Variants in TRIM24 observed in about 807,000 individuals in gnomAD.
TRIM24 encodes the protein transcription intermediary factor 1-alpha.
In TRIM24, 29 loss-of-function variants were observed where a neutral mutation model predicts 123.9. That is an observed-to-expected ratio of 0.23 (90% CI 0.17 to 0.32). The LOEUF is 0.32. Ranked by LOEUF, TRIM24 falls within the 10% of genes least tolerant of loss-of-function variation. The probability of loss-of-function intolerance (pLI) is 1.00; values close to 1 mark genes in which losing one functional copy is unlikely to be tolerated. For synonymous variants in TRIM24, 456 were observed against 461.1 expected (o/e 0.99, Z 0.14); for missense variants, 932 against 1,295.3 (o/e 0.72, Z 4.31).
At chr7:138,499,334 G>A (rs1005540139) in intron 1 of TRIM24, among the ~76,000 whole-genome samples, 4 of 152,092 alleles carry the variant, frequency 2.6e-5, no homozygotes, top group African/African-American at 9.7e-5. Flanking sequence ...TATATCTTGG[G>A]CTGTATTTTT....
At chr7:138,504,451 T>C in intron 2 of TRIM24, 43 bp downstream of exon 2, 1 of 777,324 alleles carries the variant, frequency 1.3e-6, no homozygotes, top group Non-Finnish European at 1.8e-6. Context: ...CCAGCTCTTT[T>C]TTTTTTTTTT....
Position 138,462,191 on chromosome 7 carries a change from G to A in TRIM24, c.364+1279G>A, listed in dbSNP as rs143785840. On this transcript the variant is annotated intron_variant, in intron 1 of 18. Transcript: ENST00000343526. ...GTCTCCCTCTGGAGCGAAAGGGTAG[G>A]CATGCTTACTGCCCATCTTAAAAGA... Among the ~76,000 whole-genome samples, 832 of 152,288 alleles carry A rather than the reference G, an allele frequency of 5.5e-3. 3 individuals are homozygous for A. Among genetic ancestry groups the A allele is most frequent in the African/African-American group, 0.018 (741 of 41,572 alleles).
At chr7:138,517,336 T>C (rs542697568) in intron 3 of TRIM24, among the ~76,000 whole-genome samples, 135 of 152,224 alleles carry the variant, frequency 8.9e-4, no homozygotes, top group African/African-American at 3.1e-3. Flanking sequence ...TCCTCTCAGG[T>C]TACCTTAGGG....
chr7:138,503,050 C>A (rs1206493349), intron 1 of TRIM24, among the ~76,000 whole-genome samples: 3 of 150,454 alleles, frequency 2.0e-5, no homozygotes, highest in African/African-American at 7.5e-5. Flanking sequence ...TAATTTCATT[C>A]CCCACCCCCA....
chr7:138,574,299 C>T (rs1229801821), intron 12 of TRIM24, among the ~76,000 whole-genome samples: 1 of 152,136 alleles, frequency 6.6e-6, no homozygotes, highest in African/African-American at 2.4e-5. Flanking sequence ...CTCATTTCCT[C>T]TGAGAGAAAA....
In TRIM24 at chr7:138,589,027, T is replaced by A. The variant is rs957152596; in HGVS notation, c.*4076T>A. ...CTGTCTCAAAAAAAAAAAAAAATGG[T>A]GACCATGCGTTCAACCATATAATTT... On this transcript the variant is annotated 3_prime_UTR_variant, in exon 19 of 19. Transcript: ENST00000343526. 6.6e-6 allele frequency: 1 copy of A among 151,426 alleles called. No individual in the cohort carries two copies. The highest frequency in any genetic ancestry group is 1.5e-5 in the Non-Finnish European group (1 of 67,922). The allele number at this position is 151,426 out of a possible 1,614,324, so 9.4% of individuals were successfully genotyped here.
intron 3 of TRIM24, among the ~76,000 whole-genome samples, chr7:138,516,884 T>C (rs1796409880): frequency 6.7e-6 from 1 of 148,964 alleles, no homozygotes; most frequent in African/African-American, 2.5e-5. Flanking sequence ...CGAAGTGGGA[T>C]GATTGCCTGA....
chr7:138,505,502 GGGT>G (rs3073142), intron 2 of TRIM24, among the ~76,000 whole-genome samples: 5,643 of 148,566 alleles, frequency 0.038, 172 homozygotes, highest in African/African-American at 0.076. Flanking sequence ...TGTTTTTTGG[GGGT>G]GGTGGTTGTT....
intron 17 of TRIM24, among the ~76,000 whole-genome samples, chr7:138,583,347 C>T (rs1329888507): frequency 2.6e-5 from 4 of 152,160 alleles, no homozygotes; most frequent in Non-Finnish European, 5.9e-5. Context: ...GGGCTGGGTG[C>T]AGTGGCTCAC....
Position 138,580,635 on chromosome 7 carries a change from C to A in TRIM24, c.2659C>A (p.His887Asn). 1 of 1,613,636 alleles carries A rather than the reference C, an allele frequency of 6.2e-7. No individual in the cohort carries two copies. Among genetic ancestry groups the A allele is most frequent in the Non-Finnish European group, 8.5e-7 (1 of 1,179,802 alleles). The change falls in exon 16 of 19, where the codon CAC becomes AAC. Residue 887 changes from histidine (H) to asparagine (N), a missense_variant. His to Asn is a moderately conservative substitution (Grantham distance 68). Transcript: ENST00000343526. ...TGAATATGATTGTGATGCTCCCAGT[C>A]ACAACTCAGAAAAAAAGAAAACTGA... ...EVEYDCDAPS[H>N]NSEKKKTEGL... is the part of the protein sequence containing the mutation.
intron 5 of TRIM24, among the ~76,000 whole-genome samples, chr7:138,528,247 C>T (rs754655809): frequency 7.2e-5 from 11 of 152,180 alleles, no homozygotes; most frequent in Non-Finnish European, 1.0e-4. Flanking sequence ...CTTGAAGTTA[C>T]TAGTTATAGA....
chr7:138,581,874 T>C lies in TRIM24; in HGVS notation c.2793+103T>C, dbSNP rs543397192. On this transcript the variant is annotated intron_variant, in intron 17 of 18. Transcript: ENST00000343526. ...TACCATTTTTCAGTACTTTTTAATA[T>C]CTAAACCTTAAATCTTAATAATACA... 78 of 894,964 alleles carry C rather than the reference T, an allele frequency of 8.7e-5. 2 individuals are homozygous for C. In the South Asian group the frequency reaches 1.3e-3, roughly 14 times the overall value. 55.4% of individuals were successfully genotyped at this position (894,964 alleles called of 1,614,324 possible).
At chr7:138,574,778 G>A (rs557185734) in intron 12 of TRIM24, among the ~76,000 whole-genome samples, 6 of 152,120 alleles carry the variant, frequency 3.9e-5, no homozygotes, top group Admixed American at 2.6e-4. Flanking sequence ...ATCCAATATT[G>A]TACTGTGGGC....
chr7:138,470,411 G>A (rs962929318), intron 1 of TRIM24, among the ~76,000 whole-genome samples: 21 of 152,128 alleles, frequency 1.4e-4, no homozygotes, highest in Admixed American at 7.2e-4. Flanking sequence ...GCGAGCCATC[G>A]CGCCCAGTCT....
At chr7:138,522,003 G>T (rs528620774) in intron 4 of TRIM24, among the ~76,000 whole-genome samples, 1 of 152,130 alleles carries the variant, frequency 6.6e-6, no homozygotes, top group African/African-American at 2.4e-5. Flanking sequence ...GCAGGTGCCT[G>T]TAAGTGCTAG....
At chr7:138,464,772 A>T (rs1399722966) in intron 1 of TRIM24, among the ~76,000 whole-genome samples, 2 of 152,136 alleles carry the variant, frequency 1.3e-5, no homozygotes, top group Non-Finnish European at 2.9e-5. Context: ...AAAACTGGAG[A>T]TTTTCAAACT....
rs756425757 is a variant in TRIM24, at chr7:138,504,327, T to C, written c.402T>C (p.Cys134=). 3 of 1,600,224 alleles carry C rather than the reference T, an allele frequency of 1.9e-6. No homozygotes were observed. In the South Asian group the frequency reaches 3.4e-5, roughly 18 times the overall value. Residue 134 remains cysteine, a synonymous_variant, in exon 2 of 19, where the codon TGT becomes TGC. Coordinates refer to ENST00000343526, the MANE Select transcript of TRIM24 (RefSeq NM_015905.3). ...GTTGCCCAGTTTGCAGCCAAGAATG[T>C]GCAGAGAGACACATCATAGATAACT... ...VIRCPVCSQE[C]AERHIIDNFF...
intron 14 of TRIM24, 37 bp downstream of exon 14, chr7:138,577,625 G>A: frequency 1.4e-6 from 2 of 1,464,388 alleles, no homozygotes; most frequent in South Asian, 1.5e-5. Flanking sequence ...TCCTATGCAT[G>A]GTGGGTAGGG....
At chr7:138,545,146 A>G (rs1349685096) in intron 7 of TRIM24, among the ~76,000 whole-genome samples, 1 of 151,886 alleles carries the variant, frequency 6.6e-6, no homozygotes, top group Non-Finnish European at 1.5e-5. Context: ...ATCAATATAC[A>G]TAATACATAA....
Sources: gnomAD v4.1 joint callset for allele counts (sites outside exome capture counted in the v4.1 genomes callset) on GRCh38, gnomAD v4.1.1 for gene constraint, MANE v1.5 for transcripts, NCBI Gene and HGNC (gene_info 2026-07-23, HGNC 2026-07-21) for gene names.